Variants in ADGRB3 observed in about 807,000 individuals in gnomAD.
The protein encoded by ADGRB3 is adhesion G protein-coupled receptor B3.
A neutral mutation model predicts 193.4 loss-of-function variants in ADGRB3; 37 were observed. The ratio of observed to expected loss-of-function variants is 0.19; its 90% confidence interval spans 0.15 to 0.25. The LOEUF is 0.25. Among genes scored for constraint, ADGRB3 ranks in the 10% least tolerant of loss-of-function variants. The pLI is 1.00. For missense variants in ADGRB3, 1,637 were observed against 1,852.9 expected (o/e 0.88, Z 2.14); for synonymous variants, 690 against 644.2 (o/e 1.07, Z -1.08).
chr6:68,674,590 T>G (rs773650044), intron 3 of ADGRB3, among the ~76,000 whole-genome samples: 14 of 152,158 alleles, frequency 9.2e-5, no homozygotes, highest in Non-Finnish European at 1.8e-4. Flanking sequence ...GTACTACTCT[T>G]GGTTTATCAT....
intron 20 of ADGRB3, among the ~76,000 whole-genome samples, chr6:69,265,392 C>T (rs1767019190): frequency 6.6e-6 from 1 of 151,814 alleles, no homozygotes; most frequent in African/African-American, 2.4e-5. Context: ...CACAAGAAAA[C>T]TCTTTATTAG....
intron 21 of ADGRB3, among the ~76,000 whole-genome samples, chr6:69,326,791 G>A (rs1335535166): frequency 6.6e-6 from 1 of 151,688 alleles, no homozygotes; most frequent in Non-Finnish European, 1.5e-5. Flanking sequence ...AAGAGGAGAA[G>A]GAGGGACAAG....
intron 16 of ADGRB3, among the ~76,000 whole-genome samples, chr6:69,072,307 G>A (rs890884230): frequency 6.6e-6 from 1 of 152,248 alleles, no homozygotes; most frequent in Admixed American, 6.5e-5. Context: ...CATGTATGGT[G>A]TTTAAATTTT....
chr6:68,909,571 C>A (rs9454645), intron 3 of ADGRB3, among the ~76,000 whole-genome samples: 49,163 of 152,084 alleles, frequency 0.32, 8,335 homozygotes, highest in Middle Eastern at 0.53. Flanking sequence ...GTTGTCACTT[C>A]AGAACAAAAG....
At chr6:69,098,527 C>T (rs1772948406) in intron 17 of ADGRB3, among the ~76,000 whole-genome samples, 1 of 152,040 alleles carries the variant, frequency 6.6e-6, no homozygotes, top group South Asian at 2.1e-4. Flanking sequence ...AATGGGAGAC[C>T]TCATGAAACT....
At chr6:69,257,029 A>T (rs1400644442) in intron 20 of ADGRB3, among the ~76,000 whole-genome samples, 1 of 152,078 alleles carries the variant, frequency 6.6e-6, no homozygotes, top group South Asian at 2.1e-4. Context: ...ATTTTGAACC[A>T]GCCTTGCATC....
chr6:69,054,953 A>C (rs188542115), intron 15 of ADGRB3, among the ~76,000 whole-genome samples: 39 of 152,332 alleles, frequency 2.6e-4, no homozygotes, highest in Non-Finnish European at 5.1e-4. Flanking sequence ...CACTTAAAAC[A>C]TTTATGAAAG....
At chr6:68,812,786 T>C (rs553517797) in intron 3 of ADGRB3, among the ~76,000 whole-genome samples, 2,073 of 152,096 alleles carry the variant, frequency 0.014, 39 homozygotes, top group African/African-American at 0.045. Context: ...CAACCCGTCA[T>C]CTACATTAGG....
In ADGRB3 at chr6:69,317,883, C is replaced by A. The variant is rs1389066352; in HGVS notation, c.2815-6989C>A. Among the ~76,000 whole-genome samples, 5 of 151,260 alleles carry A rather than the reference C, an allele frequency of 3.3e-5. No individual in the cohort carries two copies. In the South Asian group the frequency reaches 8.3e-4, roughly 25 times the overall value. ...CTACATTTTCCAAATGACATTGTTGCTAATATAGAAAACTTAGATTAGTTT... is the reference window on the plus strand; with the variant it reads ...CTACATTTTCCAAATGACATTGTTGATAATATAGAAAACTTAGATTAGTTT... On this transcript the variant is annotated intron_variant, in intron 20 of 31. Coordinates refer to ENST00000370598, the MANE Select transcript of ADGRB3 (RefSeq NM_001704.3).
chr6:69,178,273 A>G (rs1775485742), intron 17 of ADGRB3, among the ~76,000 whole-genome samples: 1 of 152,046 alleles, frequency 6.6e-6, no homozygotes, highest in Admixed American at 6.5e-5. Flanking sequence ...CTTTGTGTTC[A>G]GTTTTGCATG....
intron 3 of ADGRB3, among the ~76,000 whole-genome samples, chr6:68,759,746 C>A (rs1006379296): frequency 1.3e-5 from 2 of 151,836 alleles, no homozygotes; most frequent in Non-Finnish European, 2.9e-5. Flanking sequence ...TAATGAAAAT[C>A]TTTCCAATAT....
In ADGRB3 at chr6:68,639,004, A is replaced by G; in HGVS notation, c.329A>G (p.Gln110Arg). Residue 110 changes from glutamine to arginine, a missense_variant, in exon 3 of 32, where the codon CAA (glutamine) becomes CGA (arginine). Gln to Arg is a conservative substitution (Grantham distance 43, BLOSUM62 1). Transcript: ENST00000370598. ...DLLRKNHSIM[Q>R]LCNSKNAFVF... ...TTAAGAAAGAATCATTCTATAATGC[A>G]ACTCTGCAATTCCAAGAATGCTTTC... The G allele has an allele frequency of 6.2e-7, 1 of 1,613,580 alleles. No individual in the cohort carries two copies. Among genetic ancestry groups the G allele is most frequent in the Non-Finnish European group, 8.5e-7 (1 of 1,179,878 alleles).
At chr6:69,137,475 A>C (rs1774186545) in intron 17 of ADGRB3, among the ~76,000 whole-genome samples, 1 of 152,064 alleles carries the variant, frequency 6.6e-6, no homozygotes, top group Admixed American at 6.6e-5. Context: ...TTTCCGAAAC[A>C]AGAGAGTTCA....
chr6:68,697,013 A>G (rs1246952872), intron 3 of ADGRB3, among the ~76,000 whole-genome samples: 1 of 152,054 alleles, frequency 6.6e-6, no homozygotes, highest in African/African-American at 2.4e-5. Flanking sequence ...AAAAGACCTC[A>G]GAGAACCACA....
At chr6:68,662,174 G>A (rs1425421107) in intron 3 of ADGRB3, among the ~76,000 whole-genome samples, 2 of 151,488 alleles carry the variant, frequency 1.3e-5, no homozygotes, top group East Asian at 3.9e-4. Context: ...TGATATTATA[G>A]CTCTGTCACT....
chr6:68,731,367 T>C (rs1170885915), intron 3 of ADGRB3, among the ~76,000 whole-genome samples: 1 of 151,606 alleles, frequency 6.6e-6, no homozygotes, highest in Non-Finnish European at 1.5e-5. Flanking sequence ...CATTGTAAGT[T>C]AATAAAGTAA....
chr6:68,956,571 C>G, intron 7 of ADGRB3, 74 bp from the exon 8 acceptor site: 1 of 1,563,936 alleles, frequency 6.4e-7, no homozygotes, highest in Non-Finnish European at 8.7e-7. Flanking sequence ...GGGGTAGTAA[C>G]ATTCTCAGAT....
intron 6 of ADGRB3, among the ~76,000 whole-genome samples, chr6:68,945,002 A>G (rs548207529): frequency 6.6e-6 from 1 of 152,290 alleles, no homozygotes; most frequent in East Asian, 1.9e-4. Flanking sequence ...ACTCACCCTC[A>G]GTCCCACTGA....
chr6:68,784,749 C>G (rs931453079), intron 3 of ADGRB3, among the ~76,000 whole-genome samples: 1 of 152,052 alleles, frequency 6.6e-6, no homozygotes, highest in Non-Finnish European at 1.5e-5. Context: ...TATTTTCCTG[C>G]CTTCTTTGAT....
Sources: gnomAD v4.1 joint callset for allele counts (sites outside exome capture counted in the v4.1 genomes callset) on GRCh38, gnomAD v4.1.1 for gene constraint, MANE v1.5 for transcripts, NCBI Gene and HGNC (gene_info 2026-07-23, HGNC 2026-07-21) for gene names.